Variants in AGMO observed in about 807,000 individuals in gnomAD.
AGMO encodes the protein glyceryl-ether monooxygenase.
Under a neutral mutation model 60.2 loss-of-function variants are expected in AGMO, and 75 were observed. That is an observed-to-expected ratio of 1.25 (90% CI 1.03 to 1.51). AGMO has a LOEUF of 1.51. Among genes scored for constraint, AGMO ranks in the 40% most tolerant of loss-of-function variants. The pLI is 0.00. For synonymous variants in AGMO, 261 were observed against 177.1 expected (o/e 1.47, Z -3.76); for missense variants, 763 against 525.5 (o/e 1.45, Z -4.42).
chr7:15,157,563 T>A, the AGMO span, among the ~76,000 whole-genome samples: 3 of 152,166 alleles, frequency 2.0e-5, no homozygotes, highest in Non-Finnish European at 2.9e-5. Context: ...TGAACCCCGA[T>A]CCCACACTCC....
chr7:15,561,637 GAAC>G, intron 1 of AGMO, 80 bp downstream of exon 1: 1 of 1,270,664 alleles, frequency 7.9e-7, no homozygotes, highest in Non-Finnish European at 1.0e-6. Flanking sequence ...TAATGAAAGT[GAAC>G]AAAACCCTAA....
At chr7:15,386,999 T>TG (rs1280665750) in intron 9 of AGMO, among the ~76,000 whole-genome samples, 2 of 152,212 alleles carry the variant, frequency 1.3e-5, no homozygotes, top group African/African-American at 4.8e-5. Flanking sequence ...ACATCTGTTC[T>TG]GGGGGCCTCA....
chr7:15,459,306 G>C (rs1355754987), intron 3 of AGMO, among the ~76,000 whole-genome samples: 1 of 152,150 alleles, frequency 6.6e-6, no homozygotes, highest in Non-Finnish European at 1.5e-5. Context: ...CAGTTTAAAA[G>C]GGTTCGTTTA....
At chr7:15,233,550 GT>G (rs113478897) in intron 12 of AGMO, among the ~76,000 whole-genome samples, 5,337 of 148,510 alleles carry the variant, frequency 0.036, 200 homozygotes, top group African/African-American at 0.094. Context: ...ACAGAGAGTT[GT>G]TTTTTTTTTT....
At chr7:15,396,773 AT>A (rs1784407454) in intron 5 of AGMO, among the ~76,000 whole-genome samples, 1 of 151,592 alleles carries the variant, frequency 6.6e-6, no homozygotes, top group African/African-American at 2.4e-5. Context: ...TGATTGGTCC[AT>A]CTTACAGGGA....
chr7:15,354,395 CACGTGT>C (rs1782398163), intron 12 of AGMO, among the ~76,000 whole-genome samples: 2 of 37,914 alleles, frequency 5.3e-5, no homozygotes, highest in African/African-American at 2.0e-4. Flanking sequence ...TGTGTGTATA[CACGTGT>C]GTGTACACAC....
intron 9 of AGMO, 63 bp from the exon 10 acceptor site, chr7:15,385,625 C>T (rs765424784): frequency 8.5e-5 from 77 of 906,366 alleles, no homozygotes; most frequent in Non-Finnish European, 1.2e-4. Flanking sequence ...CTGAAATTCA[C>T]ACTAAGAGAT....
At position 15,299,130 on chromosome 7, in the gene AGMO, G is replaced by A. The variant is rs557275886; in HGVS notation, c.1263+66384C>T. Among the ~76,000 whole-genome samples the A allele has an allele frequency of 9.2e-4, 140 of 152,192 alleles. 4 individuals are homozygous for A. The South Asian group carries it at 0.029, about 31-fold the overall frequency. ...CTCATGCATCTTTTAAGGTTAGCTAGAACTAAAATTCAAAGTGTGTTTTTT... is the reference window on the plus strand; with the variant it reads ...CTCATGCATCTTTTAAGGTTAGCTAAAACTAAAATTCAAAGTGTGTTTTTT... On this transcript the variant is annotated intron_variant, in intron 12 of 12. Transcript: ENST00000342526.
intron 3 of AGMO, among the ~76,000 whole-genome samples, chr7:15,460,168 G>A (rs925282685): frequency 6.1e-5 from 9 of 148,392 alleles, no homozygotes; most frequent in African/African-American, 1.8e-4. Context: ...GTGCAGTGGC[G>A]TGATCTCTGC....
intron 3 of AGMO, among the ~76,000 whole-genome samples, chr7:15,460,026 C>T (rs1301473697): frequency 6.6e-6 from 1 of 151,690 alleles, no homozygotes; most frequent in Non-Finnish European, 1.5e-5. Flanking sequence ...ATGTGTATAG[C>T]AAGTTTACCT....
the AGMO span, among the ~76,000 whole-genome samples, chr7:15,167,655 A>G: frequency 1.3e-5 from 2 of 152,204 alleles, no homozygotes; most frequent in East Asian, 1.9e-4. Flanking sequence ...GGCTAAGATT[A>G]CTATTCTGAA....
chr7:15,223,621 T>C (rs1781986755), intron 12 of AGMO, among the ~76,000 whole-genome samples: 1 of 151,936 alleles, frequency 6.6e-6, no homozygotes, highest in South Asian at 2.1e-4. Flanking sequence ...CATGTTTACA[T>C]ATAAGAATTA....
At chr7:15,226,195 T>A (rs1408427317) in intron 12 of AGMO, among the ~76,000 whole-genome samples, 2 of 152,086 alleles carry the variant, frequency 1.3e-5, no homozygotes, top group African/African-American at 2.4e-5. Context: ...CTTTGAACTC[T>A]ATGTTACCTT....
intron 12 of AGMO, among the ~76,000 whole-genome samples, chr7:15,352,685 C>G (rs1016084984): frequency 6.6e-6 from 1 of 151,708 alleles, no homozygotes; most frequent in Non-Finnish European, 1.5e-5. Flanking sequence ...CATAATGAGT[C>G]CCTGTCATGT....
intron 12 of AGMO, among the ~76,000 whole-genome samples, chr7:15,291,460 T>C (rs558743241): frequency 4.6e-5 from 7 of 152,302 alleles, no homozygotes; most frequent in African/African-American, 1.7e-4. Flanking sequence ...ACTCAATATT[T>C]GTAATATGAA....
At chr7:15,128,810 C>T in the AGMO span, among the ~76,000 whole-genome samples, 1 of 152,006 alleles carries the variant, frequency 6.6e-6, no homozygotes, top group Admixed American at 6.6e-5. Flanking sequence ...AGACAATCAG[C>T]ACTTAAATTA....
At chr7:15,248,400 T>C (rs1782830836) in intron 12 of AGMO, among the ~76,000 whole-genome samples, 2 of 151,288 alleles carry the variant, frequency 1.3e-5, no homozygotes, top group Non-Finnish European at 3.0e-5. Flanking sequence ...AACAAATAAG[T>C]ATTTTAGAAT....
intron 5 of AGMO, among the ~76,000 whole-genome samples, chr7:15,417,114 C>A (rs920855075): frequency 3.9e-5 from 6 of 152,158 alleles, no homozygotes; most frequent in African/African-American, 1.4e-4. Context: ...AGATCCAAAC[C>A]ATGAATTTCA....
chr7:15,542,972 C>G (rs985168459), intron 3 of AGMO, among the ~76,000 whole-genome samples: 1 of 152,148 alleles, frequency 6.6e-6, no homozygotes, highest in African/African-American at 2.4e-5. Context: ...TAAATTTTAA[C>G]AGCCTTGAGC....
Sources: allele counts gnomAD v4.1 joint callset (sites outside exome capture counted in the v4.1 genomes callset), GRCh38; gene constraint gnomAD v4.1.1; transcripts MANE v1.5; gene names NCBI Gene and HGNC (gene_info 2026-07-23, HGNC 2026-07-21).